Variants in SAMD11 observed in about 807,000 individuals in gnomAD.
SAMD11 encodes the protein sterile alpha motif domain-containing protein 11.
In SAMD11, 77 loss-of-function variants were observed where a neutral mutation model predicts 64.4. The observed-to-expected ratio is 1.20, with a 90% CI of 0.99 to 1.44. The LOEUF is 1.44. SAMD11 is among the 40% of genes most tolerant of loss of function. The pLI is 0.00. For synonymous variants in SAMD11, 658 were observed against 421.9 expected, an observed-to-expected ratio of 1.56 and a Z score of -6.86; for missense variants, 1,402 against 943.3, an observed-to-expected ratio of 1.49 and a Z score of -6.37.
At chr1:926,877 G>A (rs1017275154) in intron 2 of SAMD11, among the ~76,000 whole-genome samples, 1 of 152,314 alleles carries the variant, frequency 6.6e-6, no homozygotes, top group South Asian at 2.1e-4. Flanking sequence ...TTCCAGGAAA[G>A]GGTAGGAGAG....
At chr1:933,993 G>C (rs13303330) in intron 4 of SAMD11, among the ~76,000 whole-genome samples, 65,020 of 68,408 alleles carry the variant, frequency 0.95, 31,036 homozygotes, top group Middle Eastern at 1. Context: ...GGAGGCGGCT[G>C]CGTTACAGGT....
intron 6 of SAMD11, 52 bp from the exon 7 acceptor site, chr1:939,223 T>G: frequency 6.4e-7 from 1 of 1,554,762 alleles, no homozygotes. Flanking sequence ...TAGAGGGGCG[T>G]GGTCCTCGGC....
intron 4 of SAMD11, among the ~76,000 whole-genome samples, chr1:931,723 T>G (rs1641177980): frequency 6.6e-6 from 1 of 152,204 alleles, no homozygotes; most frequent in African/African-American, 2.4e-5. Context: ...CTGGAGGCCT[T>G]CCTGGCAGAC....
intron 7 of SAMD11, among the ~76,000 whole-genome samples, chr1:939,946 T>C (rs1641658849): frequency 6.6e-6 from 1 of 152,030 alleles, no homozygotes; most frequent in African/African-American, 2.4e-5. Flanking sequence ...GCCCTGACCC[T>C]GTCCACCCCA....
In SAMD11 at chr1:924,673, C is replaced by A; in HGVS notation, c.242C>A (p.Pro81Gln). ...RAYLSLHEAAPHLHLPRDPLA... is the reference protein window; with the variant it reads ...RAYLSLHEAAQHLHLPRDPLA... The stretch of plus-strand genomic sequence containing the variant: ...TACCTCAGCCTGCACGAGGCCGCCC[C>A]GCACCTCCACCTGCCCAGGGACCCG... Residue 81 changes from proline to glutamine, a missense_variant, in exon 1 of 14, where the codon CCG (proline) becomes CAG (glutamine). Coordinates refer to ENST00000616016, the MANE Select transcript of SAMD11 (RefSeq NM_001385641.1). 2 of 152,212 alleles carry A rather than the reference C, an allele frequency of 1.3e-5. No individual in the cohort carries two copies. Among genetic ancestry groups the A allele is most frequent in the South Asian group, 4.0e-4 (2 of 4,952 alleles). The allele number at this position is 152,212 out of a possible 1,614,324, so 9.4% of individuals were successfully genotyped here.
intron 5 of SAMD11, among the ~76,000 whole-genome samples, chr1:937,032 C>G (rs760734447): frequency 6.6e-6 from 1 of 152,126 alleles, no homozygotes; most frequent in Non-Finnish European, 1.5e-5. Flanking sequence ...GGAGTCAGGA[C>G]GTGTTCGTGC....
chr1:942,659 G>C lies in SAMD11; in HGVS notation c.1654G>C (p.Glu552Gln), dbSNP rs1641858625. 7.0e-7 allele frequency: 1 copy of C among 1,434,256 alleles called. No individual in the cohort carries two copies. The highest frequency in any genetic ancestry group is 9.1e-7 in the Non-Finnish European group (1 of 1,101,234). The allele number at this position is 1,434,256 out of a possible 1,614,324, so 88.8% of individuals were successfully genotyped here. A position where few individuals can be genotyped will look rare whatever the true frequency, so the allele number is the denominator to read the frequency against. The change falls in exon 11 of 14, where the codon GAG (glutamate) becomes CAG (glutamine). Residue 552 changes from glutamate (E) to glutamine (Q), a missense_variant. By Grantham distance (29) the Glu-to-Gln change is conservative. Coordinates refer to ENST00000616016, the MANE Select transcript of SAMD11 (RefSeq NM_001385641.1). ...CGCCCTGCGCCCCAACGACGGCGCCGAGGAGCTGCAGCGGCGCGGGGCCCT... is the reference window on the plus strand; with the variant it reads ...CGCCCTGCGCCCCAACGACGGCGCCCAGGAGCTGCAGCGGCGCGGGGCCCT... ...ETALRPNDGA[E>Q]ELQRRGALLV...
At position 941,298 on chromosome 1, in the gene SAMD11, C is replaced by T. The variant is rs371190871; in HGVS notation, c.1350C>T (p.Phe450=). The T allele has an allele frequency of 2.0e-4, 310 of 1,586,736 alleles. 1 individual carries two copies. The highest frequency in any genetic ancestry group is 2.5e-4 in the Non-Finnish European group (297 of 1,167,200). The part of the protein sequence containing the change: ...EGAAPAAAPS[F]SERELPQPPP... ...CCGCCCCAGCTGCCGCCCCGTCCTT[C>T]TCGGAGAGGTACTGGGGTGGCTGCC... is the stretch of plus-strand genomic sequence containing the variant. The change falls in exon 8 of 14, where the codon TTC becomes TTT. Residue 450 remains phenylalanine, a synonymous_variant. Coordinates refer to ENST00000616016, the MANE Select transcript of SAMD11 (RefSeq NM_001385641.1).
chr1:928,028 C>T (rs1310686309), intron 2 of SAMD11, among the ~76,000 whole-genome samples: 1 of 152,262 alleles, frequency 6.6e-6, no homozygotes, highest in Non-Finnish European at 1.5e-5. Flanking sequence ...TCTTCTGGTC[C>T]TTGCTTCCCT....
chr1:937,624 G>T (rs994689573), intron 5 of SAMD11, among the ~76,000 whole-genome samples: 11 of 152,150 alleles, frequency 7.2e-5, no homozygotes, highest in Admixed American at 4.6e-4. Flanking sequence ...GCTCTGGCAC[G>T]GGAGGCTGTG....
In SAMD11 at chr1:930,986, C is replaced by G. The variant is rs532471268; in HGVS notation, c.792-53C>G. 26 of 1,571,822 alleles carry G rather than the reference C, an allele frequency of 1.7e-5. No homozygotes were observed. In the Admixed American group the frequency reaches 4.3e-4, roughly 26 times the overall value. Reference sequence around the variant, plus strand: ...CTGCGCACGCCCTGCTATCCTGAGGCTGGGGTCAGGGGCCTCCAGAGCAAC... The same window carrying G: ...CTGCGCACGCCCTGCTATCCTGAGGGTGGGGTCAGGGGCCTCCAGAGCAAC... On this transcript the variant is annotated intron_variant, in intron 3 of 13. Coordinates refer to ENST00000616016, the MANE Select transcript of SAMD11 (RefSeq NM_001385641.1).
At chr1:943,664 CCG>C in intron 12 of SAMD11, 32 bp from the exon 13 acceptor site, 1 of 1,505,936 alleles carries the variant, frequency 6.6e-7, no homozygotes, top group Non-Finnish European at 8.9e-7. Flanking sequence ...GGAGCAGCAC[CCG>C]GGTCCTGACC....
At position 941,827 on chromosome 1, in the gene SAMD11, C is replaced by T. The variant is rs1242944632; in HGVS notation, c.1359-309C>T. 2.2e-4 allele frequency among the ~76,000 whole-genome samples: 34 copies of T among 152,094 alleles called. 1 individual carries two copies. Among genetic ancestry groups the T allele is most frequent in the Non-Finnish European group, 7.4e-5 (5 of 67,972 alleles). ...GCTGCCTCCACCGCCGCCCGGATTG[C>T]GGCTAATGACGCCCCCGCTTCCCCC... On this transcript the variant is annotated intron_variant, in intron 8 of 13. Transcript: ENST00000616016.
chr1:927,173 C>CA (rs1290321603), intron 2 of SAMD11, among the ~76,000 whole-genome samples: 14 of 152,324 alleles, frequency 9.2e-5, no homozygotes, highest in African/African-American at 3.4e-4. Context: ...AGTTCCCAGG[C>CA]AGGTGTGCAG....
Position 928,858 on chromosome 1 carries a change from G to A in SAMD11, c.610-1297G>A, listed in dbSNP as rs150923174. On this transcript the variant is annotated intron_variant, in intron 2 of 13. Coordinates refer to ENST00000616016, the MANE Select transcript of SAMD11 (RefSeq NM_001385641.1). The stretch of plus-strand genomic sequence containing the variant: ...CACTGCCCAAACTAAGCTGGCACTG[G>A]GGCTGTGCATTTGAAGGTGATGGTG... Among the ~76,000 whole-genome samples, 75 of 152,340 alleles carry A rather than the reference G, an allele frequency of 4.9e-4. No homozygotes were observed. The East Asian group carries it at 0.011, about 22-fold the overall frequency.
At chr1:936,194 C>T (rs1033412203) in intron 5 of SAMD11, among the ~76,000 whole-genome samples, 4 of 152,312 alleles carry the variant, frequency 2.6e-5, no homozygotes, top group Admixed American at 2.0e-4. Flanking sequence ...GAAACGCACA[C>T]CCTGGAGGAA....
At position 943,326 on chromosome 1, in the gene SAMD11, T is replaced by C; in HGVS notation, c.2127T>C (p.Asp709=). Residue 709 remains aspartate (D), a synonymous_variant, in exon 12 of 14, where the codon GAT becomes GAC. Transcript: ENST00000616016. ...APEDVTKWTV[D]DVCSFVGGLS... ...AGGACGTCACCAAGTGGACCGTGGA[T>C]GACGTCTGCAGCTTCGTGGGGGGCC... 1 of 1,609,784 alleles carries C rather than the reference T, an allele frequency of 6.2e-7. No homozygotes were observed. Among genetic ancestry groups the C allele is most frequent in the South Asian group, 1.1e-5 (1 of 90,846 alleles).
chr1:925,989 G>T lies in SAMD11; in HGVS notation c.585G>T (p.Pro195=). 1 of 1,612,030 alleles carries T rather than the reference G, an allele frequency of 6.2e-7. No homozygotes were observed. The highest frequency in any genetic ancestry group is 8.5e-7 in the Non-Finnish European group (1 of 1,179,946). The part of the protein sequence containing the change: ...LQVHPPICDC[P]GCRISSPVNR... ...TGCATCCTCCGATCTGCGACTGCCC[G>T]GGCTGCCGAATATCCTCCCCGGTGG... The change falls in exon 2 of 14, where the codon CCG becomes CCT. Residue 195 remains proline, a synonymous_variant. Coordinates refer to ENST00000616016, the MANE Select transcript of SAMD11 (RefSeq NM_001385641.1).
At chr1:931,567 G>A (rs1296556003) in intron 4 of SAMD11, among the ~76,000 whole-genome samples, 1 of 152,192 alleles carries the variant, frequency 6.6e-6, no homozygotes, top group African/African-American at 2.4e-5. Context: ...CGTGTAGGAG[G>A]GACGAGGAGT....
Sources: allele counts gnomAD v4.1 joint callset (sites outside exome capture counted in the v4.1 genomes callset), GRCh38; gene constraint gnomAD v4.1.1; transcripts MANE v1.5; gene names NCBI Gene and HGNC (gene_info 2026-07-23, HGNC 2026-07-21).